EFR3A: variants seen among roughly 807,000 people sequenced by gnomAD.
The protein encoded by EFR3A is protein EFR3 homolog A.
EFR3A carries 76 observed loss-of-function variants against 104.4 expected under a neutral mutation model. That is an observed-to-expected ratio of 0.73 (90% CI 0.60 to 0.88). EFR3A has a LOEUF of 0.88. Among genes scored for constraint, EFR3A ranks in the 40% least tolerant of loss-of-function variants. The pLI is 0.00. For missense variants in EFR3A, 985 were observed against 1,012.5 expected (o/e 0.97, Z 0.37); for synonymous variants, 330 against 330.0 (o/e 1.00, Z 0.00).
intron 5 of EFR3A, among the ~76,000 whole-genome samples, chr8:131,951,806 T>C (rs1485624725): frequency 1.3e-5 from 2 of 152,150 alleles, no homozygotes; most frequent in African/African-American, 4.8e-5. Context: ...TGAATTCCTG[T>C]AAAACAAATG....
intron 18 of EFR3A, 42 bp from the exon 19 acceptor site, chr8:131,996,364 A>G (rs1821484862): frequency 2.4e-6 from 3 of 1,228,654 alleles, no homozygotes; most frequent in Non-Finnish European, 3.4e-6. Flanking sequence ...AACCAACATA[A>G]CATTTCTAGC....
chr8:131,966,648 T>G (rs1819754208), intron 8 of EFR3A, among the ~76,000 whole-genome samples: 1 of 152,160 alleles, frequency 6.6e-6, no homozygotes, highest in African/African-American at 2.4e-5. Flanking sequence ...TTAAATAAAA[T>G]GCTCTCTTAA....
chr8:131,970,705 A>C, intron 10 of EFR3A, 62 bp downstream of exon 10: 1 of 1,480,730 alleles, frequency 6.8e-7, no homozygotes. Context: ...GCTCTCACAT[A>C]AGGTCCTGGA....
intron 17 of EFR3A, among the ~76,000 whole-genome samples, 160 bp downstream of exon 17, chr8:131,986,421 T>C (rs889602462): frequency 9.9e-5 from 15 of 152,144 alleles, no homozygotes; most frequent in Non-Finnish European, 1.8e-4. Context: ...TCCCTTGTTA[T>C]AAAAGGGCCT....
In EFR3A at chr8:131,913,277, G is replaced by A. The variant is rs781239112; in HGVS notation, c.10+8955G>A. Among the ~76,000 whole-genome samples the A allele has an allele frequency of 8.6e-5, 13 of 151,918 alleles. No individual in the cohort carries two copies. The South Asian group carries it at 1.0e-3, about 12-fold the overall frequency. On this transcript the variant is annotated intron_variant, in intron 1 of 22. Transcript: ENST00000254624. The stretch of plus-strand genomic sequence containing the variant: ...TTCTCTCATCATGTGTATTTGCCGG[G>A]TTTATTCAGTTCTTGAAATGAGGCA...
chr8:131,993,939 A>C (rs751930300), intron 18 of EFR3A, among the ~76,000 whole-genome samples: 2 of 152,132 alleles, frequency 1.3e-5, no homozygotes, highest in Non-Finnish European at 2.9e-5. Flanking sequence ...TGGAGGGTGG[A>C]GGGTGGGAGA....
At chr8:131,954,089 A>G in intron 6 of EFR3A, 122 bp downstream of exon 6, 1 of 1,021,866 alleles carries the variant, frequency 9.8e-7, no homozygotes, top group Non-Finnish European at 1.3e-6. Context: ...AAGTTAAGTG[A>G]GTTTAAAAAT....
chr8:131,970,026 A>T (rs1010919119), intron 9 of EFR3A, among the ~76,000 whole-genome samples: 1 of 152,244 alleles, frequency 6.6e-6, no homozygotes, highest in African/African-American at 2.4e-5. Context: ...TTTCTGTCTC[A>T]TAATTGAGGC....
intron 22 of EFR3A, among the ~76,000 whole-genome samples, chr8:132,006,666 C>T (rs1183342970): frequency 2.6e-5 from 4 of 151,978 alleles, no homozygotes; most frequent in Admixed American, 1.3e-4. Context: ...TTTTCTAACT[C>T]ATGAGGCCAG....
At chr8:131,968,533 A>C in intron 9 of EFR3A, 103 bp downstream of exon 9, 2 of 1,230,344 alleles carry the variant, frequency 1.6e-6, no homozygotes, top group Non-Finnish European at 1.1e-6. Flanking sequence ...ATATTTCTAC[A>C]CATTTTTCGG....
At chr8:131,932,927 C>T (rs958278595) in intron 1 of EFR3A, among the ~76,000 whole-genome samples, 2 of 152,060 alleles carry the variant, frequency 1.3e-5, no homozygotes, top group African/African-American at 4.8e-5. Context: ...CTCTTAATCA[C>T]GATCCCTAAC....
intron 1 of EFR3A, among the ~76,000 whole-genome samples, chr8:131,907,695 A>G (rs1372805024): frequency 2.6e-5 from 4 of 152,142 alleles, no homozygotes; most frequent in African/African-American, 4.8e-5. Flanking sequence ...GACACATTAC[A>G]TGCAAACTTG....
intron 1 of EFR3A, among the ~76,000 whole-genome samples, chr8:131,908,433 A>G (rs116657732): frequency 4.6e-5 from 7 of 152,102 alleles, no homozygotes; most frequent in African/African-American, 1.7e-4. Flanking sequence ...GCAGTTTCCA[A>G]CTTACTGATT....
intron 5 of EFR3A, among the ~76,000 whole-genome samples, chr8:131,952,041 A>G (rs190395771): frequency 2.4e-4 from 37 of 152,018 alleles, no homozygotes; most frequent in African/African-American, 8.7e-4. Context: ...GGATTTTCTT[A>G]TTTTCCTTGA....
Position 132,002,637 on chromosome 8 carries a change from G to A in EFR3A, c.2241G>A (p.Lys747=), listed in dbSNP as rs759545471. 1 of 1,613,784 alleles carries A rather than the reference G, an allele frequency of 6.2e-7. No individual in the cohort carries two copies. The highest frequency in any genetic ancestry group is 2.2e-5 in the East Asian group (1 of 44,868). The change falls in exon 21 of 23, where the codon AAG becomes AAA. Residue 747 remains lysine (K), a synonymous_variant. Transcript: ENST00000254624. ...TSGMEEQEKE[K]RRLVIEKFQK... ...GAATGGAAGAACAGGAAAAGGAAAA[G>A]AGGCGTCTTGTGATAGAGAAATTTC...
At chr8:131,935,908 G>T (rs900786623) in intron 1 of EFR3A, among the ~76,000 whole-genome samples, 1 of 151,510 alleles carries the variant, frequency 6.6e-6, no homozygotes, top group African/African-American at 2.4e-5. Flanking sequence ...TTATAGAGTT[G>T]CATAGGAAAG....
chr8:132,006,814 AAATG>A (rs1371326449), intron 22 of EFR3A, among the ~76,000 whole-genome samples: 2 of 152,026 alleles, frequency 1.3e-5, no homozygotes, highest in African/African-American at 4.8e-5. Context: ...TGGCCTAAAT[AAATG>A]GGGTTACTAT....
intron 19 of EFR3A, among the ~76,000 whole-genome samples, chr8:132,001,171 A>G (rs1235693779): frequency 6.6e-5 from 10 of 152,234 alleles, no homozygotes; most frequent in Admixed American, 2.0e-4. Context: ...CTTGAAAGAC[A>G]TAAGTTAAAA....
chr8:131,978,601 C>T (rs977908051), intron 12 of EFR3A, among the ~76,000 whole-genome samples: 2 of 152,152 alleles, frequency 1.3e-5, no homozygotes, highest in South Asian at 2.1e-4. Flanking sequence ...AATACATATG[C>T]AGTGCTTAGA....
Sources: allele counts gnomAD v4.1 joint callset (sites outside exome capture counted in the v4.1 genomes callset), GRCh38; gene constraint gnomAD v4.1.1; transcripts MANE v1.5; gene names NCBI Gene and HGNC (gene_info 2026-07-23, HGNC 2026-07-21).